NAV2: variants seen among roughly 807,000 people sequenced by gnomAD.
NAV2 encodes the protein neuron navigator 2, also known as helicase, APC down-regulated 1.
A neutral mutation model predicts 223.2 loss-of-function variants in NAV2; 54 were observed. The observed-to-expected ratio is 0.24, with a 90% confidence interval of 0.19 to 0.30. The LOEUF is 0.30. Ranked by LOEUF, NAV2 falls within the 10% of genes least tolerant of loss-of-function variation. The pLI, the probability that NAV2 is intolerant of heterozygous loss-of-function variation, is 1.00. For synonymous variants in NAV2, 1,279 were observed against 1,239.3 expected, an observed-to-expected ratio of 1.03 and a Z score of -0.67; for missense variants, 2,806 against 3,147.5, an observed-to-expected ratio of 0.89 and a Z score of 2.60.
chr11:20,036,634 C>T (rs917836619), intron 12 of NAV2, among the ~76,000 whole-genome samples: 1 of 152,194 alleles, frequency 6.6e-6, no homozygotes, highest in Non-Finnish European at 1.5e-5. Flanking sequence ...TGTTACCCTT[C>T]TTTTAAACTA....
intron 3 of NAV2, among the ~76,000 whole-genome samples, chr11:19,851,372 G>T (rs917087002): frequency 2.0e-5 from 3 of 152,228 alleles, no homozygotes; most frequent in Non-Finnish European, 4.4e-5. Context: ...CCCTCATCTA[G>T]GCATAGGCAG....
At chr11:19,629,958 C>T (rs1379354514) in intron 1 of NAV2, among the ~76,000 whole-genome samples, 2 of 152,126 alleles carry the variant, frequency 1.3e-5, no homozygotes, top group Non-Finnish European at 2.9e-5. Flanking sequence ...GTCATGTGCA[C>T]CTCTACCAAA....
chr11:19,541,918 T>G (rs1456052237), intron 1 of NAV2, among the ~76,000 whole-genome samples: 2 of 152,256 alleles, frequency 1.3e-5, no homozygotes, highest in African/African-American at 2.4e-5. Flanking sequence ...TGCCTTTGGC[T>G]GGAAAGGGGC....
At chr11:19,780,191 AG>A (rs2056619253) in intron 1 of NAV2, among the ~76,000 whole-genome samples, 1 of 152,232 alleles carries the variant, frequency 6.6e-6, no homozygotes, top group Non-Finnish European at 1.5e-5. Context: ...GAGAGAAGGC[AG>A]TAGCTGGTAG....
At position 20,097,612 on chromosome 11, in the gene NAV2, A is replaced by G; in HGVS notation, c.6048A>G (p.Leu2016=). The change falls in exon 31 of 38, where the codon CTA becomes CTG. Residue 2016 remains leucine, a synonymous_variant. Coordinates refer to ENST00000349880, the MANE Select transcript of NAV2 (RefSeq NM_145117.5). ...TTCATGTCGACCCAGTGAGTCAGCT[A>G]GGGCTGAATTCAGACAGCGTTCTTG... The part of the protein sequence containing the change: ...YIIHVDPVSQ[L]GLNSDSVLGY... 1 of 1,610,746 alleles carries G rather than the reference A, an allele frequency of 6.2e-7. No individual in the cohort carries two copies. Among genetic ancestry groups the G allele is most frequent in the Non-Finnish European group, 8.5e-7 (1 of 1,179,120 alleles).
chr11:19,876,770 T>C lies in NAV2; in HGVS notation c.512-3099T>C, dbSNP rs78475497. Among the ~76,000 whole-genome samples the C allele has an allele frequency of 2.4e-3, 366 of 152,030 alleles. 1 individual carries two copies. Among genetic ancestry groups the C allele is most frequent in the African/African-American group, 8.3e-3 (342 of 41,454 alleles). ...ATGACCCCTGATCCTCCAGGTATGC[T>C]GAATTGTTAGTTCCTCTCCTGTTTT... On this transcript the variant is annotated intron_variant, in intron 4 of 37. Transcript: ENST00000349880.
chr11:20,053,447 C>T (rs1017513), intron 17 of NAV2, among the ~76,000 whole-genome samples: 150,879 of 152,254 alleles, frequency 0.99, 74,771 homozygotes, highest in East Asian at 1. Context: ...TAGCACATTG[C>T]AGATGTTCAA....
chr11:19,689,556 C>T (rs1463536140), intron 1 of NAV2, among the ~76,000 whole-genome samples: 2 of 152,092 alleles, frequency 1.3e-5, no homozygotes, highest in Non-Finnish European at 1.5e-5. Context: ...AGCTAAATTG[C>T]CTTTTGGTTT....
chr11:19,996,537 C>A (rs998344645), intron 11 of NAV2, among the ~76,000 whole-genome samples: 7 of 152,208 alleles, frequency 4.6e-5, no homozygotes, highest in African/African-American at 1.7e-4. Context: ...ATATTTTTCT[C>A]TGAAGGACAT....
At chr11:19,619,157 A>T (rs1236291849) in intron 1 of NAV2, among the ~76,000 whole-genome samples, 1 of 151,316 alleles carries the variant, frequency 6.6e-6, no homozygotes, top group Non-Finnish European at 1.5e-5. Flanking sequence ...CCAGTCTATC[A>T]TTGATGGGCA....
At chr11:19,615,332 C>G (rs1021345674) in intron 1 of NAV2, among the ~76,000 whole-genome samples, 1 of 151,870 alleles carries the variant, frequency 6.6e-6, no homozygotes, top group Non-Finnish European at 1.5e-5. Flanking sequence ...TGCTGAACTC[C>G]TCTGAGCCTC....
chr11:19,387,694 C>G (rs1849095943), intron 1 of NAV2, among the ~76,000 whole-genome samples: 1 of 152,092 alleles, frequency 6.6e-6, no homozygotes, highest in African/African-American at 2.4e-5. Flanking sequence ...ATTTTAATGC[C>G]AGTGAAGATG....
intron 1 of NAV2, among the ~76,000 whole-genome samples, chr11:19,733,688 A>C: frequency 6.6e-6 from 1 of 152,164 alleles, no homozygotes; most frequent in East Asian, 1.9e-4. Context: ...GGGTTTTTCA[A>C]GGACAGAAAG....
intron 8 of NAV2, among the ~76,000 whole-genome samples, chr11:19,944,153 A>G (rs1167219992): frequency 6.6e-6 from 1 of 152,190 alleles, no homozygotes. Flanking sequence ...GTGAGCTGAG[A>G]TCGTGCCACT....
At chr11:20,038,186 C>A (rs147612700) in intron 12 of NAV2, among the ~76,000 whole-genome samples, 1 of 152,192 alleles carries the variant, frequency 6.6e-6, no homozygotes, top group African/African-American at 2.4e-5. Flanking sequence ...CTGATACAGT[C>A]GCCCCAGCTC....
chr11:19,508,667 G>T (rs951242328), intron 1 of NAV2, among the ~76,000 whole-genome samples: 7 of 152,170 alleles, frequency 4.6e-5, no homozygotes, highest in Non-Finnish European at 7.3e-5. Flanking sequence ...CCACCTGTCT[G>T]CCTTTTGTAT....
At chr11:19,843,576 G>A (rs1398980770) in intron 3 of NAV2, among the ~76,000 whole-genome samples, 1 of 151,976 alleles carries the variant, frequency 6.6e-6, no homozygotes, top group South Asian at 2.1e-4. Flanking sequence ...TATCGTCATT[G>A]TTGAGTTCAG....
chr11:19,467,010 C>CAG (rs1239199308), intron 1 of NAV2, among the ~76,000 whole-genome samples: 8 of 135,896 alleles, frequency 5.9e-5, no homozygotes, highest in African/African-American at 1.3e-4. Flanking sequence ...CACACACACA[C>CAG]ACACACACAG....
intron 6 of NAV2, among the ~76,000 whole-genome samples, chr11:19,919,058 A>T (rs2153226619): frequency 6.6e-6 from 1 of 152,174 alleles, no homozygotes; most frequent in Non-Finnish European, 1.5e-5. Context: ...ATGGGATGAG[A>T]TAGGGTGATT....
Sources: gnomAD v4.1 joint callset for allele counts (sites outside exome capture counted in the v4.1 genomes callset) on GRCh38, gnomAD v4.1.1 for gene constraint, MANE v1.5 for transcripts, NCBI Gene and HGNC (gene_info 2026-07-23, HGNC 2026-07-21) for gene names.